ZAP70: variants seen among roughly 807,000 people sequenced by gnomAD.
ZAP70 encodes zeta chain of T cell receptor associated protein kinase 70.
In ZAP70, 27 loss-of-function variants were observed where a neutral mutation model predicts 65.8. The ratio of observed to expected loss-of-function variants is 0.41; its 90% CI spans 0.30 to 0.57. The LOEUF is 0.57. ZAP70 is among the 20% of genes least tolerant of loss of function. The pLI is 0.28. For missense variants in ZAP70, 696 were observed against 870.5 expected (o/e 0.80, Z 2.52); for synonymous variants, 363 against 360.8 (o/e 1.01, Z -0.07).
downstream of ZAP70, among the ~76,000 whole-genome samples, chr2:97,740,204 G>A (rs1156600615): frequency 6.6e-6 from 1 of 152,154 alleles, no homozygotes; most frequent in Non-Finnish European, 1.5e-5. Context: ...TCCAGCTGGG[G>A]TCTTCACCCC....
intron 2 of ZAP70, among the ~76,000 whole-genome samples, chr2:97,723,691 G>A (rs550087075): frequency 1.3e-5 from 2 of 152,240 alleles, no homozygotes; most frequent in South Asian, 4.1e-4. Flanking sequence ...CCCCAGCACC[G>A]GGCCTGAAAC....
chr2:97,724,116 C>A lies in ZAP70; in HGVS notation c.80C>A (p.Ala27Glu), dbSNP rs373708142. ...GAGGCCGAGGAGCACCTGAAGCTGG[C>A]GGGCATGGCGGACGGGCTCTTCCTG... ...RAEAEEHLKL[A>E]GMADGLFLLR... Residue 27 changes from alanine to glutamate, a missense_variant, in exon 3 of 14, where the codon GCG becomes GAG. Ala to Glu is a moderately radical substitution (Grantham distance 107). This residue lies in a region of ZAP70 where 551 missense variants were observed against 630.0 expected (regional missense o/e 0.87). Transcript: ENST00000264972. The A allele has an allele frequency of 6.4e-6, 10 of 1,565,068 alleles. No homozygotes were observed. Among genetic ancestry groups the A allele is most frequent in the Non-Finnish European group, 8.6e-6 (10 of 1,157,908 alleles).
At chr2:97,733,733 C>A in intron 8 of ZAP70, 138 bp downstream of exon 8, 2 of 1,006,406 alleles carry the variant, frequency 2.0e-6, no homozygotes, top group Non-Finnish European at 3.1e-6. Context: ...AACACCTGTG[C>A]ACACATGTGC....
chr2:97,752,312 C>G, the ZAP70 span, among the ~76,000 whole-genome samples: 1 of 152,180 alleles, frequency 6.6e-6, no homozygotes, highest in South Asian at 2.1e-4. Flanking sequence ...CTAAAATTAC[C>G]TGGCTTAATT....
In ZAP70 at chr2:97,739,491, G is replaced by C; in HGVS notation, c.1853G>C (p.Cys618Ser). ...PGSTQKAEAA[C>S]A ...AGCACACAGAAGGCTGAGGCTGCCTGTGCCTGAGCTCCCGCTGCCCAGGGG... is the reference window on the plus strand; with the variant it reads ...AGCACACAGAAGGCTGAGGCTGCCTCTGCCTGAGCTCCCGCTGCCCAGGGG... The change falls in exon 14 of 14, where the codon TGT (cysteine) becomes TCT (serine). Residue 618 changes from cysteine to serine, a missense_variant. Physicochemically the swap from Cys to Ser is moderately radical, Grantham distance 112. Around this residue, in one of 3 missense-constraint regions of ZAP70, gnomAD observed 78 missense variants for 88.6 expected, o/e 0.88. Transcript: ENST00000264972. 1 of 1,612,746 alleles carries C rather than the reference G, an allele frequency of 6.2e-7. No homozygotes were observed.
At chr2:97,756,045 A>G in the ZAP70 span, among the ~76,000 whole-genome samples, 241 of 152,350 alleles carry the variant, frequency 1.6e-3, no homozygotes, top group African/African-American at 5.6e-3. Context: ...TATTCAATAA[A>G]TGGTAGCAAT....
intron 10 of ZAP70, among the ~76,000 whole-genome samples, 181 bp downstream of exon 10, chr2:97,735,637 C>G (rs1329659879): frequency 6.6e-6 from 1 of 152,268 alleles, no homozygotes; most frequent in Non-Finnish European, 1.5e-5. Context: ...AGCTAACCCT[C>G]AGTCCACCAT....
At chr2:97,719,133 T>C (rs1677062144) in intron 2 of ZAP70, among the ~76,000 whole-genome samples, 1 of 151,878 alleles carries the variant, frequency 6.6e-6, no homozygotes, top group Non-Finnish European at 1.5e-5. Flanking sequence ...CTCAGCTCTG[T>C]GGAAATAGAC....
intron 2 of ZAP70, among the ~76,000 whole-genome samples, chr2:97,723,303 G>C (rs1677231913): frequency 6.6e-6 from 1 of 152,260 alleles, no homozygotes; most frequent in Non-Finnish European, 1.5e-5. Context: ...TGCTAAGGCC[G>C]AGGGGAAAGG....
rs199874724 is a variant in ZAP70, at chr2:97,733,155, G to A, written c.733G>A (p.Gly245Arg). 2.7e-5 allele frequency: 44 copies of A among 1,613,790 alleles called. No homozygotes were observed. The highest frequency in any genetic ancestry group is 1.0e-4 in the Admixed American group (6 of 59,998). The change falls in exon 6 of 14, where the codon GGG becomes AGG. Residue 245 changes from glycine (G) to arginine (R), a missense_variant. Physicochemically the swap from Gly to Arg is moderately radical, Grantham distance 125. Transcript: ENST00000264972. Reference protein sequence around the residue: ...LVEYLKLKADGLIYCLKEACP... With the variant: ...LVEYLKLKADRLIYCLKEACP... The stretch of plus-strand genomic sequence containing the variant: ...GGAGTATCTGAAGCTGAAGGCGGAC[G>A]GGCTCATCTACTGCCTGAAGGAGGC...
chr2:97,753,279 T>C, the ZAP70 span, among the ~76,000 whole-genome samples: 4 of 152,198 alleles, frequency 2.6e-5, no homozygotes, highest in African/African-American at 9.6e-5. Flanking sequence ...AATTTCCCTC[T>C]TTCTTCTCTT....
At position 97,724,458 on chromosome 2, in the gene ZAP70, C is replaced by T. The variant is rs1243783040; in HGVS notation, c.402+20C>T. The T allele has an allele frequency of 2.6e-6, 4 of 1,523,420 alleles. No homozygotes were observed. The highest frequency in any genetic ancestry group is 2.3e-5 in the East Asian group (1 of 42,936). The allele number at this position is 1,523,420 out of a possible 1,614,324, so 94.4% of individuals were successfully genotyped here. A position where few individuals can be genotyped will look rare whatever the true frequency, so the allele number is the denominator to read the frequency against. On this transcript the variant is annotated intron_variant, in intron 3 of 13. Transcript: ENST00000264972. Reference sequence around the variant, plus strand: ...CTGGAGGTGAGAGCGCAGCCTGGGGCGCGGGGTCTGGAGGGGCGTGGCCGA... The same window carrying T: ...CTGGAGGTGAGAGCGCAGCCTGGGGTGCGGGGTCTGGAGGGGCGTGGCCGA...
At chr2:97,745,088 G>A in the ZAP70 span, among the ~76,000 whole-genome samples, 3 of 152,152 alleles carry the variant, frequency 2.0e-5, no homozygotes, top group Non-Finnish European at 4.4e-5. Flanking sequence ...CCCCAGGCTG[G>A]ACTGCAGTGG....
intron 3 of ZAP70, chr2:97,724,873 CG>C (rs1325201108): frequency 2.4e-5 from 37 of 1,528,924 alleles, no homozygotes; most frequent in Non-Finnish European, 3.0e-5. Flanking sequence ...GCTGGAGATG[CG>C]CTTGGGGCCG....
At chr2:97,720,883 C>T (rs563152932) in intron 2 of ZAP70, among the ~76,000 whole-genome samples, 24 of 152,312 alleles carry the variant, frequency 1.6e-4, no homozygotes, top group African/African-American at 5.5e-4. Context: ...CACCTGATTC[C>T]CATTCCAGTA....
intron 3 of ZAP70, chr2:97,724,818 C>A: frequency 6.6e-7 from 1 of 1,514,118 alleles, no homozygotes; most frequent in East Asian, 2.6e-5. Context: ...TCGTCCACAG[C>A]CTGAGTGACA....
intron 4 of ZAP70, among the ~76,000 whole-genome samples, chr2:97,729,898 T>C (rs570466762): frequency 3.0e-4 from 45 of 152,332 alleles, no homozygotes; most frequent in African/African-American, 1.1e-3. Context: ...AACAATGTGC[T>C]GTATTCATAC....
Position 97,735,275 on chromosome 2 carries a change from G to T in ZAP70, c.1108G>T (p.Val370Leu). Residue 370 changes from valine to leucine, a missense_variant, in exon 10 of 14, where the codon GTG becomes TTG. Physicochemically the swap from Val to Leu is conservative, Grantham distance 32. Transcript: ENST00000264972. ...GAAGCAGATCGACGTGGCCATCAAG[G>T]TGCTGAAGCAGGGCACGGAGAAGGC... ...RKKQIDVAIK[V>L]LKQGTEKADT... 1 of 1,614,042 alleles carries T rather than the reference G, an allele frequency of 6.2e-7. No individual in the cohort carries two copies. Among genetic ancestry groups the T allele is most frequent in the Non-Finnish European group, 8.5e-7 (1 of 1,179,960 alleles).
chr2:97,746,960 G>A, the ZAP70 span, among the ~76,000 whole-genome samples: 1 of 152,088 alleles, frequency 6.6e-6, no homozygotes, highest in Non-Finnish European at 1.5e-5. Flanking sequence ...TCATTAATGA[G>A]CACATGAAAA....
Sources: allele counts gnomAD v4.1 joint callset (sites outside exome capture counted in the v4.1 genomes callset), GRCh38; gene constraint gnomAD v4.1.1; regional missense constraint gnomAD v4.1.1; transcripts MANE v1.5; gene names NCBI Gene and HGNC (gene_info 2026-07-23, HGNC 2026-07-21).